The following NAV3 variants were observed in gnomAD, a reference collection of about 807,000 sequenced individuals.
The protein encoded by NAV3 is pore membrane and/or filament interacting like protein 1.
In NAV3, 87 loss-of-function variants were observed where a neutral mutation model predicts 244.7. The observed-to-expected ratio is 0.36, with a 90% CI of 0.30 to 0.42. The LOEUF is 0.42. NAV3 is among the 20% of genes least tolerant of loss of function. The pLI, the probability that NAV3 is intolerant of heterozygous loss-of-function variation, is 1.00. For synonymous variants in NAV3, 1,126 were observed against 1,042.2 expected, an observed-to-expected ratio of 1.08 and a Z score of -1.55; for missense variants, 2,663 against 2,893.3, an observed-to-expected ratio of 0.92 and a Z score of 1.83.
chr12:78,026,804 G>A (rs777021357), intron 9 of NAV3, among the ~76,000 whole-genome samples: 12 of 152,068 alleles, frequency 7.9e-5, no homozygotes, highest in East Asian at 1.9e-4. Flanking sequence ...TTCAATAAAC[G>A]CATGTAAAAT....
chr12:77,830,781 A>G (rs1873530651), upstream of NAV3: 1 of 152,238 alleles, frequency 6.6e-6, no homozygotes, highest in African/African-American at 2.4e-5. Context: ...CCGGGCTAAA[A>G]GTTCTTCCAA....
At chr12:77,615,039 A>G (rs1372999566) in intron 2 of NAV3, among the ~76,000 whole-genome samples, 1 of 152,190 alleles carries the variant, frequency 6.6e-6, no homozygotes, top group East Asian at 1.9e-4. Flanking sequence ...CAAGGACATC[A>G]CATGCAGATG....
intron 1 of NAV3, among the ~76,000 whole-genome samples, chr12:77,930,624 A>T (rs1385241967): frequency 6.6e-6 from 1 of 152,214 alleles, no homozygotes. Context: ...AGTTACACTG[A>T]ACTTTCCTTA....
At position 77,695,622 on chromosome 12, in the gene NAV3, T is replaced by C. The variant is rs146009754; in HGVS notation, c.72+123356T>C. ...CTTTGTTCACCTGTATGGTACAAAA[T>C]ACGATGAATAATTACTGAGTATGGT... is the stretch of plus-strand genomic sequence containing the variant. On this transcript the variant is annotated intron_variant, in intron 2 of 8. Coordinates refer to the NAV3 transcript ENST00000550042. Among the ~76,000 whole-genome samples the C allele has an allele frequency of 4.6e-5, 7 of 152,248 alleles. No individual in the cohort carries two copies. The East Asian group carries it at 1.4e-3, about 29-fold the overall frequency.
At chr12:78,043,718 G>A (rs763408556) in intron 9 of NAV3, among the ~76,000 whole-genome samples, 1 of 152,172 alleles carries the variant, frequency 6.6e-6, no homozygotes, top group Non-Finnish European at 1.5e-5. Flanking sequence ...TTTGTTGGCT[G>A]CATAAAATGT....
At chr12:77,631,682 T>G (rs1871906655) in intron 2 of NAV3, among the ~76,000 whole-genome samples, 1 of 152,212 alleles carries the variant, frequency 6.6e-6, no homozygotes, top group Non-Finnish European at 1.5e-5. Flanking sequence ...GTGCCACCCC[T>G]TCACATGGAT....
chr12:78,011,176 T>A (rs1368489198), intron 8 of NAV3, among the ~76,000 whole-genome samples: 1 of 152,166 alleles, frequency 6.6e-6, no homozygotes, highest in South Asian at 2.1e-4. Flanking sequence ...AATAGGCTGC[T>A]TTTTATAGTG....
At chr12:77,795,900 C>A (rs544543784) in intron 2 of NAV3, among the ~76,000 whole-genome samples, 2 of 152,160 alleles carry the variant, frequency 1.3e-5, no homozygotes, top group Non-Finnish European at 2.9e-5. Context: ...TGGGGACCTA[C>A]TGCTTGGAAA....
chr12:77,947,696 A>C (rs1890492051), intron 3 of NAV3: 1 of 152,000 alleles, frequency 6.6e-6, no homozygotes, highest in African/African-American at 2.4e-5. Flanking sequence ...ATACTAAATG[A>C]AAATCTTTAC....
intron 2 of NAV3, among the ~76,000 whole-genome samples, chr12:77,591,333 C>G (rs1869894313): frequency 6.6e-6 from 1 of 152,208 alleles, no homozygotes; most frequent in South Asian, 2.1e-4. Flanking sequence ...GATGAATCTT[C>G]ACTGCTGTAG....
intron 1 of NAV3, among the ~76,000 whole-genome samples, chr12:77,909,337 G>T (rs1454829392): frequency 6.6e-6 from 1 of 151,854 alleles, no homozygotes; most frequent in Non-Finnish European, 1.5e-5. Context: ...GGAGAGCTTT[G>T]TCCATCCGGG....
At chr12:77,756,157 A>G (rs1411778933) in intron 2 of NAV3, among the ~76,000 whole-genome samples, 5 of 152,172 alleles carry the variant, frequency 3.3e-5, no homozygotes, top group African/African-American at 9.7e-5. Flanking sequence ...ATATATACAA[A>G]GACCGCCACC....
chr12:77,718,496 G>A (rs1020269190), intron 2 of NAV3, among the ~76,000 whole-genome samples: 2 of 152,066 alleles, frequency 1.3e-5, no homozygotes, highest in Admixed American at 6.6e-5. Context: ...TATGTTTGGA[G>A]GTTAGGCAGT....
intron 4 of NAV3, among the ~76,000 whole-genome samples, chr12:77,967,228 C>T (rs1388671386): frequency 6.6e-6 from 1 of 151,996 alleles, no homozygotes; most frequent in South Asian, 2.1e-4. Context: ...TATTGATTTT[C>T]ATTCATCTTT....
chr12:78,086,251 T>C (rs1953632253), intron 12 of NAV3, among the ~76,000 whole-genome samples: 3 of 152,086 alleles, frequency 2.0e-5, no homozygotes, highest in Admixed American at 1.3e-4. Flanking sequence ...AAATCTGCCT[T>C]TGTTTACATT....
At chr12:77,578,223 T>A (rs907505381) in intron 2 of NAV3, among the ~76,000 whole-genome samples, 4 of 152,088 alleles carry the variant, frequency 2.6e-5, no homozygotes, top group Non-Finnish European at 5.9e-5. Flanking sequence ...TGGGAGCTTA[T>A]AAGAAATACA....
chr12:77,925,766 G>A (rs999791105), intron 1 of NAV3, among the ~76,000 whole-genome samples: 4 of 152,246 alleles, frequency 2.6e-5, no homozygotes, highest in East Asian at 1.9e-4. Context: ...ACTGCAGAAA[G>A]CTGATACATA....
chr12:77,999,872 G>A (rs1423207841), intron 7 of NAV3, among the ~76,000 whole-genome samples: 1 of 151,968 alleles, frequency 6.6e-6, no homozygotes, highest in East Asian at 1.9e-4. Flanking sequence ...TGTATATGTG[G>A]GAAATTTCTA....
chr12:77,956,891 T>C (rs1207724565), intron 3 of NAV3, among the ~76,000 whole-genome samples: 1 of 152,016 alleles, frequency 6.6e-6, no homozygotes, highest in Non-Finnish European at 1.5e-5. Flanking sequence ...TACAGGCACA[T>C]GCGACCACAC....
Sources: allele counts gnomAD v4.1 joint callset (sites outside exome capture counted in the v4.1 genomes callset), GRCh38; gene constraint gnomAD v4.1.1; transcripts MANE v1.5; gene names NCBI Gene and HGNC (gene_info 2026-07-23, HGNC 2026-07-21).